Variants in USP7 observed in about 807,000 individuals in gnomAD.
The protein encoded by USP7 is ubiquitin specific peptidase 7.
Under a neutral mutation model 162.9 loss-of-function variants are expected in USP7, and 9 were observed. That is an observed-to-expected ratio of 0.06 (90% CI 0.03 to 0.10). The LOEUF is 0.10. Ranked by LOEUF, USP7 falls within the 10% of genes least tolerant of loss-of-function variation. The pLI is 1.00. For synonymous variants in USP7, 562 were observed against 475.9 expected (o/e 1.18, Z -2.35); for missense variants, 715 against 1,373.7 (o/e 0.52, Z 7.58).
At position 8,899,206 on chromosome 16, in the gene USP7, A is replaced by T. The variant is rs2061736475; in HGVS notation, c.2464-18T>A. The T allele has an allele frequency of 1.9e-6, 3 of 1,612,970 alleles. No homozygotes were observed. Among genetic ancestry groups the T allele is most frequent in the African/African-American group, 1.3e-5 (1 of 74,912 alleles). On this transcript the variant is annotated intron_variant, in intron 22 of 30. Transcript: ENST00000344836. ...TTTGCAACCTAAGACACAGAAAGGA[A>T]GGTTCACATTTTGGGGAAAAATTGA...
intron 3 of USP7, among the ~76,000 whole-genome samples, chr16:8,921,792 A>G (rs969311326): frequency 6.6e-6 from 1 of 152,192 alleles, no homozygotes; most frequent in South Asian, 2.1e-4. Context: ...CCACAAGAGA[A>G]CTACTGTACC....
At chr16:8,944,709 G>T (rs1403966732) in intron 1 of USP7, among the ~76,000 whole-genome samples, 2 of 152,184 alleles carry the variant, frequency 1.3e-5, no homozygotes, top group African/African-American at 4.8e-5. Flanking sequence ...CCACCATTCA[G>T]GTTTTAATCC....
At chr16:8,916,469 G>T (rs1273049349) in intron 8 of USP7, 33 bp downstream of exon 8, 5 of 1,580,484 alleles carry the variant, frequency 3.2e-6, no homozygotes, top group Middle Eastern at 1.7e-4. Flanking sequence ...AATATTCATT[G>T]TAAGAAATAT....
At chr16:8,902,027 C>T (rs1380588215) in intron 18 of USP7, 55 bp downstream of exon 18, 2 of 1,434,708 alleles carry the variant, frequency 1.4e-6, no homozygotes, top group African/African-American at 2.8e-5. Context: ...GAACAACAAT[C>T]CAGGAATCCA....
Position 8,921,227 on chromosome 16 carries a change from C to T in USP7, c.452G>A (p.Ser151Asn), listed in dbSNP as rs1273656761. The change falls in exon 4 of 31, where the codon AGT becomes AAT. Residue 151 changes from serine to asparagine, a missense_variant. This residue lies in a region of USP7 where 35 missense variants were observed against 101.0 expected (regional missense o/e 0.35). Transcript: ENST00000344836. ...GAAGAACAAATGACTAATACGACGA[C>T]TGAACGACTTTTCATCATCTCTGTA... is the stretch of plus-strand genomic sequence containing the variant. ...INYRDDEKSF[S>N]RRISHLFFHK... The T allele has an allele frequency of 6.2e-7, 1 of 1,614,112 alleles. No individual in the cohort carries two copies.
intron 1 of USP7, among the ~76,000 whole-genome samples, chr16:8,961,829 A>G (rs924441963): frequency 2.0e-5 from 3 of 152,204 alleles, no homozygotes; most frequent in East Asian, 1.9e-4. Context: ...TTAATCACAC[A>G]TAACAGGCGC....
rs1426210596 is a variant in USP7 at position 8,928,217 on chromosome 16, T to C, written c.184+2076A>G. Reference sequence around the variant, plus strand: ...AGAAATGTCCCTTACTAAGAAGTCTTCTGTGCAAATCAGTCAAGTCGCTGA... The same window carrying C: ...AGAAATGTCCCTTACTAAGAAGTCTCCTGTGCAAATCAGTCAAGTCGCTGA... On this transcript the variant is annotated intron_variant, in intron 2 of 30. Transcript: ENST00000344836. 2.0e-5 allele frequency among the ~76,000 whole-genome samples: 3 copies of C among 152,204 alleles called. No individual in the cohort carries two copies. The East Asian group carries it at 5.8e-4, about 29-fold the overall frequency.
At chr16:8,960,701 A>G (rs1899973676) in intron 1 of USP7, among the ~76,000 whole-genome samples, 1 of 152,328 alleles carries the variant, frequency 6.6e-6, no homozygotes, top group East Asian at 1.9e-4. Flanking sequence ...TGGTCCATGA[A>G]GCCAACCAGA....
At chr16:8,941,261 TA>T (rs1464733497) in intron 1 of USP7, among the ~76,000 whole-genome samples, 1 of 152,150 alleles carries the variant, frequency 6.6e-6, no homozygotes, top group East Asian at 1.9e-4. Flanking sequence ...GTGGAAAAAT[TA>T]ACTATGCTCA....
At chr16:8,913,765 T>C (rs939190548) in intron 10 of USP7, among the ~76,000 whole-genome samples, 3 of 152,014 alleles carry the variant, frequency 2.0e-5, no homozygotes, top group African/African-American at 7.3e-5. Flanking sequence ...TATTTTACTT[T>C]CTTGAGAGAG....
At chr16:8,931,699 C>G (rs1325809941) in intron 1 of USP7, among the ~76,000 whole-genome samples, 1 of 152,226 alleles carries the variant, frequency 6.6e-6, no homozygotes, top group Non-Finnish European at 1.5e-5. Context: ...ATTCCAATCA[C>G]TTTTCATTAA....
intron 11 of USP7, among the ~76,000 whole-genome samples, chr16:8,909,720 G>A (rs540260722): frequency 3.1e-4 from 47 of 152,316 alleles, no homozygotes; most frequent in Admixed American, 2.0e-3. Context: ...AAGGTCAGGG[G>A]TTTGAGACCT....
At position 8,910,786 on chromosome 16, in the gene USP7, C is replaced by G. The variant is rs375864487; in HGVS notation, c.1120G>C (p.Asp374His). The G allele has an allele frequency of 1.2e-6, 2 of 1,614,018 alleles. No individual in the cohort carries two copies. Among genetic ancestry groups the G allele is most frequent in the African/African-American group, 1.3e-5 (1 of 74,932 alleles). Reference protein sequence around the residue: ...FVDYVAVEQLDGDNKYDAGEH... With the variant: ...FVDYVAVEQLHGDNKYDAGEH... ...CCAGCGTCGTATTTATTGTCCCCATCGAGCTGTTCTACTGCCACATAATCC... is the reference window on the plus strand; with the variant it reads ...CCAGCGTCGTATTTATTGTCCCCATGGAGCTGTTCTACTGCCACATAATCC... The change falls in exon 11 of 31, where the codon GAT becomes CAT. Residue 374 changes from aspartate to histidine, a missense_variant. By Grantham distance (81) the Asp-to-His change is moderately conservative. Coordinates refer to ENST00000344836, the MANE Select transcript of USP7 (RefSeq NM_003470.3).
intron 1 of USP7, among the ~76,000 whole-genome samples, chr16:8,940,674 G>A (rs957155804): frequency 3.9e-5 from 6 of 152,264 alleles, no homozygotes; most frequent in East Asian, 3.9e-4. Flanking sequence ...GCTCCTGACC[G>A]CCATCTTCTA....
rs1360514223 is a variant in USP7, at chr16:8,892,388, C to G, written c.*1610G>C. On this transcript the variant is annotated 3_prime_UTR_variant, in exon 31 of 31. Transcript: ENST00000344836. ...TGCAGTGGAAGTTGAGAAAGGAAGT[C>G]ACTCCAAGGTACACACTGGCCCAAA... 18 of 152,360 alleles carry G rather than the reference C, an allele frequency of 1.2e-4. No homozygotes were observed. Among genetic ancestry groups the G allele is most frequent in the Non-Finnish European group, 2.9e-5 (2 of 68,160 alleles). 9.4% of individuals were successfully genotyped at this position (152,360 alleles called of 1,614,324 possible).
intron 1 of USP7, among the ~76,000 whole-genome samples, chr16:8,937,570 C>G (rs541143191): frequency 6.6e-6 from 1 of 152,024 alleles, no homozygotes; most frequent in Non-Finnish European, 1.5e-5. Flanking sequence ...TGTGGTGGTG[C>G]ACACCTGTAA....
intron 6 of USP7, among the ~76,000 whole-genome samples, chr16:8,918,741 A>T (rs1210733481): frequency 6.6e-6 from 1 of 152,228 alleles, no homozygotes; most frequent in Non-Finnish European, 1.5e-5. Flanking sequence ...CCCAGGAGAC[A>T]GAGGCTGCAG....
At chr16:8,951,521 G>A (rs528394922) in intron 1 of USP7, among the ~76,000 whole-genome samples, 49 of 152,302 alleles carry the variant, frequency 3.2e-4, no homozygotes, top group African/African-American at 1.1e-3. Context: ...CAGGCTTGGA[G>A]AGAGCCCCTG....
chr16:8,944,313 C>T (rs938018420), intron 1 of USP7, among the ~76,000 whole-genome samples: 3 of 151,934 alleles, frequency 2.0e-5, no homozygotes, highest in African/African-American at 7.2e-5. Flanking sequence ...CAACAGCTGC[C>T]CGCCTGGAGT....
Sources: allele counts gnomAD v4.1 joint callset (sites outside exome capture counted in the v4.1 genomes callset), GRCh38; gene constraint gnomAD v4.1.1; regional missense constraint gnomAD v4.1.1; transcripts MANE v1.5; gene names NCBI Gene and HGNC (gene_info 2026-07-23, HGNC 2026-07-21).